ENOX1: variants seen among roughly 807,000 people sequenced by gnomAD.
ENOX1 encodes ecto-NOX disulfide-thiol exchanger 1, also known as candidate growth-related and time keeping constitutive hydroquinone (NADH) oxidase.
Under a neutral mutation model 82.5 loss-of-function variants are expected in ENOX1, and 42 were observed. The ratio of observed to expected loss-of-function variants is 0.51; its 90% confidence interval spans 0.40 to 0.66. The LOEUF (loss-of-function observed/expected upper bound fraction) is 0.66, where lower values mean the gene tolerates loss of function less well. ENOX1 is among the 30% of genes least tolerant of loss of function. ENOX1 has a pLI of 0.00. For synonymous variants in ENOX1, 271 were observed against 282.2 expected, an observed-to-expected ratio of 0.96 and a Z score of 0.40; for missense variants, 608 against 811.6, an observed-to-expected ratio of 0.75 and a Z score of 3.05.
At chr13:43,274,780 A>G (rs928230602) in intron 12 of ENOX1, among the ~76,000 whole-genome samples, 8 of 152,270 alleles carry the variant, frequency 5.3e-5, no homozygotes, top group African/African-American at 1.9e-4. Flanking sequence ...AAGCAGGTAA[A>G]TAAATGCTGT....
intron 10 of ENOX1, among the ~76,000 whole-genome samples, chr13:43,325,477 C>T (rs1352496089): frequency 2.0e-5 from 3 of 152,136 alleles, no homozygotes; most frequent in African/African-American, 7.2e-5. Context: ...AGTTAATGGG[C>T]ACTTAAAATG....
intron 2 of ENOX1, among the ~76,000 whole-genome samples, chr13:43,579,113 G>A (rs946986316): frequency 1.1e-4 from 17 of 151,904 alleles, no homozygotes; most frequent in African/African-American, 3.6e-4. Context: ...CTATGTCATA[G>A]GGTTGCTTGA....
In ENOX1 at chr13:43,223,970, C is replaced by T. The variant is rs889307334; in HGVS notation, c.1800+83G>A. 4.9e-6 allele frequency: 5 copies of T among 1,013,770 alleles called. No homozygotes were observed. In the African/African-American group the frequency reaches 6.4e-5, roughly 13 times the overall value. The allele number at this position is 1,013,770 out of a possible 1,614,324, so 62.8% of individuals were successfully genotyped here. A position where few individuals can be genotyped will look rare whatever the true frequency, so the allele number is the denominator to read the frequency against. ...CCCATAGGCTGCTACAGCCCTAGTT[C>T]AGTTCATGCAGAGTCCACCTGCAGG... is the stretch of plus-strand genomic sequence containing the variant. On this transcript the variant is annotated intron_variant, in intron 16 of 16. Coordinates refer to ENST00000690772, the MANE Select transcript of ENOX1 (RefSeq NM_001347969.2).
intron 5 of ENOX1, among the ~76,000 whole-genome samples, chr13:43,379,417 T>C (rs1255486436): frequency 6.6e-6 from 1 of 152,036 alleles, no homozygotes; most frequent in Non-Finnish European, 1.5e-5. Flanking sequence ...ATAACTGTGT[T>C]CCATGTGTTC....
chr13:43,614,400 G>A (rs1192110457), intron 2 of ENOX1, among the ~76,000 whole-genome samples: 1 of 152,150 alleles, frequency 6.6e-6, no homozygotes, highest in African/African-American at 2.4e-5. Flanking sequence ...ATCAGGAACT[G>A]AACAACTCTG....
At chr13:43,214,361 A>G (rs940390592) in intron 16 of ENOX1, among the ~76,000 whole-genome samples, 1 of 152,154 alleles carries the variant, frequency 6.6e-6, no homozygotes, top group African/African-American at 2.4e-5. Context: ...TTCACCCTTC[A>G]TATGGATGGC....
In ENOX1 at chr13:43,483,492, C is replaced by G. The variant is rs1482774322; in HGVS notation, c.-75+517G>C. Among the ~76,000 whole-genome samples, 3 of 151,882 alleles carry G rather than the reference C, an allele frequency of 2.0e-5. No homozygotes were observed. The East Asian group carries it at 5.8e-4, about 29-fold the overall frequency. On this transcript the variant is annotated intron_variant, in intron 3 of 16. Transcript: ENST00000690772. ...CACACACACAAAACCCCAAACAAGCCCTATTCTATCATTTATAAATCATAG... is the reference window on the plus strand; with the variant it reads ...CACACACACAAAACCCCAAACAAGCGCTATTCTATCATTTATAAATCATAG...
rs149111203 is a variant in ENOX1 at position 43,770,686 on chromosome 13, TACACACACACACACACAC to T, written c.-285+15948_-285+15965del. On this transcript the variant is annotated intron_variant, in intron 1 of 16. Coordinates refer to ENST00000690772, the MANE Select transcript of ENOX1 (RefSeq NM_001347969.2). ...TATCTGCATATAGTATACGTATGTGTACACACACACACACACACACACACACACACACACACAGACTCA... is the reference window on the plus strand; with the variant it reads ...TATCTGCATATAGTATACGTATGTGTACACACACACACACACACAGACTCA... Among the ~76,000 whole-genome samples the T allele has an allele frequency of 4.1e-5, 6 of 146,244 alleles. No individual in the cohort carries two copies. In the East Asian group the frequency reaches 1.2e-3, roughly 29 times the overall value.
intron 3 of ENOX1, among the ~76,000 whole-genome samples, chr13:43,439,256 G>C (rs34900316): frequency 2.0e-5 from 3 of 149,352 alleles, no homozygotes; most frequent in African/African-American, 7.4e-5. Context: ...TTTTTGAGAC[G>C]GAGTCTCACT....
chr13:43,439,651 T>TTA (rs1252233395), intron 3 of ENOX1, among the ~76,000 whole-genome samples: 1 of 127,916 alleles, frequency 7.8e-6, no homozygotes, highest in Non-Finnish European at 1.8e-5. Context: ...ACATCCCTTC[T>TTA]TATAGCAACT....
intron 10 of ENOX1, among the ~76,000 whole-genome samples, chr13:43,322,822 A>C (rs2153527598): frequency 6.6e-6 from 1 of 152,328 alleles, no homozygotes. Flanking sequence ...ACATAGAAAT[A>C]CCTGTTACAT....
rs929891552 is a variant in ENOX1 at position 43,655,719 on chromosome 13, C to T, written c.-219+11760G>A. Among the ~76,000 whole-genome samples, 12 of 152,118 alleles carry T rather than the reference C, an allele frequency of 7.9e-5. 1 individual carries two copies. Among genetic ancestry groups the T allele is most frequent in the Admixed American group, 2.6e-4 (4 of 15,278 alleles). On this transcript the variant is annotated intron_variant, in intron 2 of 16. Transcript: ENST00000690772. ...GGCTGTGGTCTGCAACCTGCCCCAC[C>T]GCTCCCCACACTCCCTTGCTCTCCA...
At chr13:43,247,864 TA>T (rs11274817) in intron 14 of ENOX1, among the ~76,000 whole-genome samples, 16 of 2,264 alleles carry the variant, frequency 7.1e-3, no homozygotes, top group Admixed American at 0.02. Context: ...TATATATATA[TA>T]TATATATATA....
At chr13:43,696,795 C>T (rs80308588) in intron 1 of ENOX1, among the ~76,000 whole-genome samples, 1 of 140,738 alleles carries the variant, frequency 7.1e-6, no homozygotes, top group Non-Finnish European at 1.5e-5. Flanking sequence ...GATTCCTTTG[C>T]TTTTTTTTTT....
chr13:43,781,774 G>A (rs1055727442), intron 1 of ENOX1, among the ~76,000 whole-genome samples: 3 of 152,304 alleles, frequency 2.0e-5, no homozygotes, highest in Admixed American at 1.3e-4. Context: ...ACCTCTCAAA[G>A]TGCTGGGATT....
In ENOX1 at chr13:43,531,912, T is replaced by C. The variant is rs1274135086; in HGVS notation, c.-218-47760A>G. Among the ~76,000 whole-genome samples the C allele has an allele frequency of 5.7e-5, 7 of 123,142 alleles. No individual in the cohort carries two copies. In the East Asian group the frequency reaches 7.5e-4, roughly 13 times the overall value. The allele number at this position is 123,142 out of a possible 152,430, so 80.8% of individuals were successfully genotyped here. Reference sequence around the variant, plus strand: ...ACACAAGAAGGGGAACATCACACACTGGGGCCTGTTGTGGGGTGAGGGGAG... The same window carrying C: ...ACACAAGAAGGGGAACATCACACACCGGGGCCTGTTGTGGGGTGAGGGGAG... On this transcript the variant is annotated intron_variant, in intron 2 of 16. Coordinates refer to ENST00000690772, the MANE Select transcript of ENOX1 (RefSeq NM_001347969.2).
At chr13:43,667,204 C>T (rs1044520655) in intron 2 of ENOX1, among the ~76,000 whole-genome samples, 1 of 152,072 alleles carries the variant, frequency 6.6e-6, no homozygotes, top group Admixed American at 6.6e-5. Context: ...AATGGTAGTA[C>T]CTTTATGAAA....
intron 2 of ENOX1, among the ~76,000 whole-genome samples, chr13:43,522,556 G>A (rs1385717342): frequency 2.0e-5 from 3 of 152,084 alleles, no homozygotes; most frequent in Admixed American, 1.3e-4. Flanking sequence ...GTCTCGCAAC[G>A]CCTTGTCTGG....
At chr13:43,359,729 T>C (rs2050374787) in intron 7 of ENOX1, 122 bp downstream of exon 7, 1 of 937,090 alleles carries the variant, frequency 1.1e-6, no homozygotes, top group Non-Finnish European at 1.6e-6. Context: ...GCAGAATTCC[T>C]CCTTTTCCAG....
Sources: allele counts gnomAD v4.1 joint callset (sites outside exome capture counted in the v4.1 genomes callset), GRCh38; gene constraint gnomAD v4.1.1; transcripts MANE v1.5; gene names NCBI Gene and HGNC (gene_info 2026-07-23, HGNC 2026-07-21).